The following IFT88 variants were observed in gnomAD, a reference collection of about 807,000 sequenced individuals.
IFT88 encodes intraflagellar transport protein 88 homolog.
IFT88 carries 74 observed loss-of-function variants against 119.5 expected under a neutral mutation model. That is an observed-to-expected ratio of 0.62 (90% CI 0.51 to 0.75). The LOEUF (loss-of-function observed/expected upper bound fraction) is 0.75, where lower values mean the gene tolerates loss of function less well. Among genes scored for constraint, IFT88 ranks in the 30% least tolerant of loss-of-function variants. IFT88 has a pLI of 0.00. For synonymous variants in IFT88, 279 were observed against 316.7 expected, an observed-to-expected ratio of 0.88 and a Z score of 1.26; for missense variants, 961 against 977.7, an observed-to-expected ratio of 0.98 and a Z score of 0.23.
At chr13:20,631,368 G>A in intron 16 of IFT88, 1 of 342,392 alleles carries the variant, frequency 2.9e-6, no homozygotes, top group South Asian at 5.0e-5. Flanking sequence ...ACATACAGCT[G>A]GAAGAGCTAG....
intron 15 of IFT88, among the ~76,000 whole-genome samples, chr13:20,627,334 G>C (rs1254733620): frequency 2.0e-5 from 3 of 152,162 alleles, no homozygotes; most frequent in Non-Finnish European, 4.4e-5. Context: ...ATATGGACAA[G>C]AATAATTTTG....
intron 24 of IFT88, among the ~76,000 whole-genome samples, chr13:20,675,387 C>G (rs73433375): frequency 0.03 from 4,551 of 152,198 alleles, 227 homozygotes; most frequent in African/African-American, 0.1. Flanking sequence ...ATCCAGCCCA[C>G]TTTGTATACG....
intron 9 of IFT88, 46 bp from the exon 10 acceptor site, chr13:20,598,605 C>A: frequency 9.0e-7 from 1 of 1,106,122 alleles, no homozygotes; most frequent in Non-Finnish European, 1.4e-6. Context: ...GTGAAAGGGG[C>A]CTAAAGTGGT....
At chr13:20,624,769 G>A (rs1313347074) in intron 14 of IFT88, among the ~76,000 whole-genome samples, 1 of 152,102 alleles carries the variant, frequency 6.6e-6, no homozygotes, top group East Asian at 1.9e-4. Context: ...CCTTACACTT[G>A]CTCAGGCTGG....
Position 20,663,484 on chromosome 13 carries a change from A to G in IFT88, c.2069-14A>G, listed in dbSNP as rs554994914. 2.5e-6 allele frequency: 4 copies of G among 1,611,160 alleles called. No individual in the cohort carries two copies. Among genetic ancestry groups the G allele is most frequent in the African/African-American group, 2.7e-5 (2 of 74,812 alleles). ...TGCCTATATTCTTTCCTAAATGTAT[A>G]TTTTACAATTTAGGTCTGCGTTTCT... On this transcript the variant is annotated splice_polypyrimidine_tract_variant and intron_variant, in intron 22 of 25. Transcript: ENST00000351808.
At chr13:20,632,209 G>A (rs1280858666) in intron 16 of IFT88, 2 of 151,880 alleles carry the variant, frequency 1.3e-5, no homozygotes, top group African/African-American at 4.8e-5. Context: ...TTAAGGGCTG[G>A]AAGTTAGAAA....
intron 15 of IFT88, among the ~76,000 whole-genome samples, chr13:20,628,979 C>G (rs1307354056): frequency 6.6e-6 from 1 of 152,032 alleles, no homozygotes; most frequent in African/African-American, 2.4e-5. Flanking sequence ...AGGAATGATA[C>G]AAGGGACTAT....
In IFT88 at chr13:20,590,978, T is replaced by C. The variant is rs1052251155; in HGVS notation, c.222T>C (p.Ser74=). 6.2e-7 allele frequency: 1 copy of C among 1,608,894 alleles called. No homozygotes were observed. The highest frequency in any genetic ancestry group is 1.3e-5 in the African/African-American group (1 of 74,836). The change falls in exon 5 of 26, where the codon TCT becomes TCC. Residue 74 remains serine (S), a synonymous_variant. Coordinates refer to ENST00000351808, the MANE Select transcript of IFT88 (RefSeq NM_006531.5). ...TTTCTGTTTACTAGTCCAAGACATC[T>C]CTGGCATCATCAATAGGAAGACCAA... is the stretch of plus-strand genomic sequence containing the variant. ...PIATGYGSKT[S]LASSIGRPMT...
intron 2 of IFT88, among the ~76,000 whole-genome samples, chr13:20,574,933 C>T (rs951888325): frequency 9.9e-5 from 15 of 152,130 alleles, no homozygotes; most frequent in African/African-American, 3.6e-4. Flanking sequence ...GTTTCTGTTA[C>T]ATCAAGCATT....
chr13:20,585,609 C>G (rs939891045), intron 3 of IFT88, among the ~76,000 whole-genome samples: 1 of 152,152 alleles, frequency 6.6e-6, no homozygotes, highest in Non-Finnish European at 1.5e-5. Context: ...GCTAGTAACT[C>G]CAGAAGCTGA....
chr13:20,588,161 A>G (rs940321803), intron 3 of IFT88, among the ~76,000 whole-genome samples: 1 of 151,890 alleles, frequency 6.6e-6, no homozygotes, highest in Non-Finnish European at 1.5e-5. Context: ...ACTCATCTCT[A>G]ACTTTTTAAA....
At chr13:20,683,566 G>GT (rs965540040) in intron 24 of IFT88, among the ~76,000 whole-genome samples, 19 of 152,138 alleles carry the variant, frequency 1.2e-4, no homozygotes, top group Non-Finnish European at 2.5e-4. Flanking sequence ...TACTTCAGGG[G>GT]TTTTACCAAC....
intron 14 of IFT88, among the ~76,000 whole-genome samples, chr13:20,617,291 G>C (rs1265686191): frequency 1.3e-5 from 2 of 152,080 alleles, no homozygotes; most frequent in African/African-American, 4.8e-5. Flanking sequence ...GGTGGGGTGG[G>C]GTGGGTAAGG....
intron 20 of IFT88, among the ~76,000 whole-genome samples, chr13:20,648,325 G>C (rs941335057): frequency 9.1e-4 from 139 of 152,300 alleles, no homozygotes; most frequent in African/African-American, 3.3e-3. Context: ...GAACCCGGGA[G>C]GCGGAGGTTG....
intron 8 of IFT88, among the ~76,000 whole-genome samples, chr13:20,596,607 A>G (rs748292696): frequency 1.2e-4 from 19 of 152,222 alleles, no homozygotes; most frequent in Non-Finnish European, 2.4e-4. Context: ...TCTCTCTACT[A>G]TCAAATATTT....
chr13:20,691,172 A>G lies in IFT88; in HGVS notation c.2472A>G (p.Glu824=), dbSNP rs775772760. The part of the protein sequence containing the change: ...DEELGDDLLP[E] ...AATTAGGAGATGATTTGCTTCCAGA[A>G]TAATATTCACTTTAATATTTATTAA... The change falls in exon 26 of 26, where the codon GAA becomes GAG. Residue 824 remains glutamate, a synonymous_variant. Transcript: ENST00000351808. 1.2e-6 allele frequency: 2 copies of G among 1,612,170 alleles called. No individual in the cohort carries two copies. Among genetic ancestry groups the G allele is most frequent in the African/African-American group, 2.7e-5 (2 of 74,884 alleles).
At chr13:20,578,358 C>CTTTTTTTT (rs1158499742) in intron 2 of IFT88, among the ~76,000 whole-genome samples, 7 of 78,750 alleles carry the variant, frequency 8.9e-5, no homozygotes, top group East Asian at 3.8e-4. Flanking sequence ...AGTCTTGTTA[C>CTTTTTTTT]TTTTTTTTTT....
intron 24 of IFT88, among the ~76,000 whole-genome samples, chr13:20,681,392 G>T (rs1328556409): frequency 6.6e-6 from 1 of 152,206 alleles, no homozygotes; most frequent in Admixed American, 6.5e-5. Flanking sequence ...ATTAGGTTCC[G>T]ATCCTCGAGG....
intron 15 of IFT88, among the ~76,000 whole-genome samples, chr13:20,630,564 C>T (rs1394722550): frequency 6.6e-6 from 1 of 152,028 alleles, no homozygotes; most frequent in Non-Finnish European, 1.5e-5. Context: ...TTATTATTAT[C>T]ATCATATTTT....
Sources: allele counts gnomAD v4.1 joint callset (sites outside exome capture counted in the v4.1 genomes callset), GRCh38; gene constraint gnomAD v4.1.1; transcripts MANE v1.5; gene names NCBI Gene and HGNC (gene_info 2026-07-23, HGNC 2026-07-21).